Variants in FAT3 observed in about 807,000 individuals in gnomAD.
FAT3 encodes the protein protocadherin Fat 3.
In FAT3, 95 loss-of-function variants were observed where a neutral mutation model predicts 310.2. The ratio of observed to expected loss-of-function variants is 0.31; its 90% CI spans 0.26 to 0.36. FAT3 has a LOEUF of 0.36. Ranked by LOEUF, FAT3 falls within the 10% of genes least tolerant of loss-of-function variation. The pLI is 1.00. For synonymous variants in FAT3, 2,314 were observed against 2,192.9 expected (o/e 1.06, Z -1.54); for missense variants, 5,408 against 5,715.6 (o/e 0.95, Z 1.74).
chr11:92,291,565 T>C (rs1946696751), intron 1 of FAT3, among the ~76,000 whole-genome samples: 1 of 150,616 alleles, frequency 6.6e-6, no homozygotes, highest in Non-Finnish European at 1.5e-5. Flanking sequence ...AGATATATAG[T>C]GTGTGCCTCC....
chr11:92,722,125 G>T (rs925093332), intron 4 of FAT3, among the ~76,000 whole-genome samples: 30 of 152,156 alleles, frequency 2.0e-4, no homozygotes, highest in African/African-American at 6.0e-4. Context: ...ACAGTCCAAG[G>T]TCTCATCTGA....
At chr11:92,622,995 G>C (rs916602281) in intron 3 of FAT3, among the ~76,000 whole-genome samples, 21 of 152,170 alleles carry the variant, frequency 1.4e-4, no homozygotes, top group South Asian at 2.1e-4. Flanking sequence ...AAGCATCCCA[G>C]CAAGCTTGGA....
At chr11:92,420,683 A>G (rs1950517594) in intron 2 of FAT3, among the ~76,000 whole-genome samples, 2 of 152,214 alleles carry the variant, frequency 1.3e-5, no homozygotes, top group African/African-American at 4.8e-5. Context: ...ATCTTGACTC[A>G]GTAAATCTTT....
intron 4 of FAT3, among the ~76,000 whole-genome samples, chr11:92,752,084 C>G (rs774598060): frequency 5.3e-5 from 8 of 152,192 alleles, no homozygotes; most frequent in Non-Finnish European, 1.2e-4. Flanking sequence ...CAAACTTATT[C>G]TGTTAAGGGC....
chr11:92,226,619 CG>C (rs1863918683), intron 1 of FAT3, among the ~76,000 whole-genome samples: 1 of 151,774 alleles, frequency 6.6e-6, no homozygotes, highest in Non-Finnish European at 1.5e-5. Flanking sequence ...ACGTCGGGGG[CG>C]GGGAGGCTGC....
intron 3 of FAT3, among the ~76,000 whole-genome samples, chr11:92,634,023 C>A (rs1428323983): frequency 6.6e-6 from 1 of 152,194 alleles, no homozygotes; most frequent in Non-Finnish European, 1.5e-5. Context: ...CATAACTTTT[C>A]AGTCCTTATG....
intron 2 of FAT3, chr11:92,408,169 C>G (rs1431547068): frequency 6.6e-6 from 1 of 152,238 alleles, no homozygotes. Context: ...TGTGGCCTTT[C>G]CACTGATCAC....
chr11:92,590,512 G>A (rs1939372302), intron 3 of FAT3, among the ~76,000 whole-genome samples: 1 of 152,058 alleles, frequency 6.6e-6, no homozygotes, highest in Admixed American at 6.6e-5. Flanking sequence ...GAAGAGGTCA[G>A]GCTCTCAAAA....
Position 92,880,728 on chromosome 11 carries a change from C to A in FAT3, c.12128-3C>A, listed in dbSNP as rs1440247587. On this transcript the variant is annotated splice_polypyrimidine_tract_variant and splice_region_variant and intron_variant, in intron 22 of 27. Transcript: ENST00000525166. ...TGGCTCATGAGGTCCTCTGTTTCCC[C>A]AGGCTATCAGTGTACCTGTCTCTCA... 2.5e-6 allele frequency: 4 copies of A among 1,611,328 alleles called. No individual in the cohort carries two copies. The Admixed American group carries it at 6.7e-5, about 27-fold the overall frequency.
intron 13 of FAT3, among the ~76,000 whole-genome samples, chr11:92,816,844 C>T (rs1276870523): frequency 6.6e-6 from 1 of 151,914 alleles, no homozygotes; most frequent in South Asian, 2.1e-4. Context: ...GGTGTGGTGA[C>T]GTGCGCCTGT....
chr11:92,449,447 G>A (rs543923521), intron 2 of FAT3, among the ~76,000 whole-genome samples: 1 of 152,134 alleles, frequency 6.6e-6, no homozygotes, highest in Non-Finnish European at 1.5e-5. Context: ...AGACAAAGAA[G>A]TGTAGAGCTG....
intron 2 of FAT3, among the ~76,000 whole-genome samples, chr11:92,516,549 GC>G (rs1565377090): frequency 6.6e-6 from 1 of 152,010 alleles, no homozygotes; most frequent in Non-Finnish European, 1.5e-5. Flanking sequence ...ATGGGCAAAA[GC>G]TAGAAGCATT....
intron 3 of FAT3, among the ~76,000 whole-genome samples, chr11:92,614,301 A>G (rs1470324259): frequency 6.6e-6 from 1 of 152,220 alleles, no homozygotes; most frequent in Non-Finnish European, 1.5e-5. Flanking sequence ...GTTATACTAT[A>G]TTAACATTCT....
At chr11:92,535,284 G>A (rs1246676833) in intron 3 of FAT3, among the ~76,000 whole-genome samples, 1 of 152,120 alleles carries the variant, frequency 6.6e-6, no homozygotes, top group African/African-American at 2.4e-5. Context: ...GGAATTCCAA[G>A]GATTGCCAGA....
At chr11:92,418,047 T>G (rs985099993) in intron 2 of FAT3, among the ~76,000 whole-genome samples, 15 of 152,200 alleles carry the variant, frequency 9.9e-5, no homozygotes, top group African/African-American at 3.6e-4. Context: ...TGATTGGGAA[T>G]GTGAACTTAA....
At position 92,809,850 on chromosome 11, in the gene FAT3, A is replaced by G; in HGVS notation, c.9255A>G (p.Leu3085=). 1 of 1,611,834 alleles carries G rather than the reference A, an allele frequency of 6.2e-7. No homozygotes were observed. Among genetic ancestry groups the G allele is most frequent in the Non-Finnish European group, 8.5e-7 (1 of 1,178,250 alleles). ...TGCCATTTATTTTCACAGGCGAGTTAAAAACCTTGGCTCTGTTGGACCGGG... is the reference window on the plus strand; with the variant it reads ...TGCCATTTATTTTCACAGGCGAGTTGAAAACCTTGGCTCTGTTGGACCGGG... The part of the protein sequence containing the change: ...EFFLDPESGE[L]KTLALLDRER... The change falls in exon 13 of 28, where the codon TTA becomes TTG. Residue 3085 remains leucine (L), a synonymous_variant. Coordinates refer to ENST00000525166, the MANE Select transcript of FAT3 (RefSeq NM_001367949.2).
intron 3 of FAT3, among the ~76,000 whole-genome samples, chr11:92,570,796 C>T (rs1449290817): frequency 2.0e-5 from 3 of 152,052 alleles, no homozygotes; most frequent in African/African-American, 7.2e-5. Flanking sequence ...CAGTCGTTTT[C>T]AGGGTTTCTC....
chr11:92,265,362 C>T (rs530774233), intron 1 of FAT3, among the ~76,000 whole-genome samples: 14 of 152,092 alleles, frequency 9.2e-5, no homozygotes, highest in Admixed American at 4.6e-4. Flanking sequence ...GTATTGACTG[C>T]GTTCCAAGCA....
At chr11:92,240,692 G>T in intron 1 of FAT3, among the ~76,000 whole-genome samples, 1 of 151,886 alleles carries the variant, frequency 6.6e-6, no homozygotes, top group East Asian at 1.9e-4. Flanking sequence ...AGTGAGTTTG[G>T]CTCATTTTAT....
Sources: allele counts gnomAD v4.1 joint callset (sites outside exome capture counted in the v4.1 genomes callset), GRCh38; gene constraint gnomAD v4.1.1; transcripts MANE v1.5; gene names NCBI Gene and HGNC (gene_info 2026-07-23, HGNC 2026-07-21).